NPAS3: variants seen among roughly 807,000 people sequenced by gnomAD.
NPAS3 encodes the protein neuronal PAS domain-containing protein 3.
Under a neutral mutation model 73.1 loss-of-function variants are expected in NPAS3, and 14 were observed. The ratio of observed to expected loss-of-function variants is 0.19; its 90% CI spans 0.13 to 0.30. NPAS3 has a LOEUF of 0.30. NPAS3 is among the 10% of genes least tolerant of loss of function. The probability of loss-of-function intolerance (pLI) is 1.00; values close to 1 mark genes in which losing one functional copy is unlikely to be tolerated. For synonymous variants in NPAS3, 620 were observed against 541.5 expected, an observed-to-expected ratio of 1.14 and a Z score of -2.01; for missense variants, 1,096 against 1,250.0, an observed-to-expected ratio of 0.88 and a Z score of 1.86.
intron 2 of NPAS3, among the ~76,000 whole-genome samples, chr14:33,138,161 G>A (rs1017251019): frequency 4.6e-5 from 7 of 150,986 alleles, no homozygotes; most frequent in South Asian, 2.1e-4. Context: ...CCAGTAACTC[G>A]TCATTTAACA....
intron 2 of NPAS3, among the ~76,000 whole-genome samples, chr14:33,195,563 T>C (rs148641862): frequency 6.2e-4 from 94 of 152,338 alleles, no homozygotes; most frequent in South Asian, 2.7e-3. Context: ...CCACCATGCC[T>C]GGCCAAAACA....
intron 3 of NPAS3, among the ~76,000 whole-genome samples, chr14:33,364,557 C>T (rs1594774222): frequency 6.6e-6 from 1 of 151,982 alleles, no homozygotes; most frequent in Non-Finnish European, 1.5e-5. Flanking sequence ...AAAATGCCAT[C>T]GAATAGAATA....
intron 5 of NPAS3, among the ~76,000 whole-genome samples, chr14:33,637,316 A>G (rs796626747): frequency 2.6e-5 from 4 of 152,352 alleles, no homozygotes; most frequent in African/African-American, 7.2e-5. Context: ...TTCTAATTTC[A>G]TAATAAAGAT....
chr14:32,971,936 CTTTTTTTTTTT>C (rs66998179), intron 1 of NPAS3, among the ~76,000 whole-genome samples: 4 of 112,954 alleles, frequency 3.5e-5, no homozygotes, highest in Non-Finnish European at 7.1e-5. Context: ...CAGTGGGACT[CTTTTTTTTTTT>C]TTTTTTTTTT....
Position 33,279,632 on chromosome 14 carries a change from C to T in NPAS3, c.385+64206C>T, listed in dbSNP as rs1886782. Among the ~76,000 whole-genome samples the T allele has an allele frequency of 1.1e-4, 17 of 152,050 alleles. No individual in the cohort carries two copies. The East Asian group carries it at 3.3e-3, about 29-fold the overall frequency. On this transcript the variant is annotated intron_variant, in intron 3 of 11. Coordinates refer to ENST00000356141, the Ensembl canonical transcript of NPAS3. ...ATTTAACAAGATCTTCAGGTGATTC[C>T]TATCACCTTTTCACCCTGGAATTTG... is the stretch of plus-strand genomic sequence containing the variant.
intron 4 of NPAS3, among the ~76,000 whole-genome samples, chr14:33,515,655 T>C: frequency 6.6e-6 from 1 of 152,108 alleles, no homozygotes; most frequent in African/African-American, 2.4e-5. Flanking sequence ...TGCTGATCCC[T>C]GCATTAGACA....
chr14:33,408,474 G>A (rs1220974065), intron 4 of NPAS3, among the ~76,000 whole-genome samples: 3 of 151,932 alleles, frequency 2.0e-5, no homozygotes, highest in Non-Finnish European at 4.4e-5. Context: ...CTGGGAAACA[G>A]CCAAACATCC....
At chr14:33,231,540 T>C (rs1487155803) in intron 3 of NPAS3, among the ~76,000 whole-genome samples, 1 of 152,212 alleles carries the variant, frequency 6.6e-6, no homozygotes. Context: ...TATGGTGATC[T>C]ATGATCATTC....
intron 5 of NPAS3, among the ~76,000 whole-genome samples, chr14:33,613,979 C>T (rs868385036): frequency 1.3e-5 from 2 of 152,156 alleles, no homozygotes; most frequent in African/African-American, 2.4e-5. Context: ...CACCATGTCC[C>T]CCATAATAGT....
At chr14:33,623,876 A>G (rs575357312) in intron 5 of NPAS3, among the ~76,000 whole-genome samples, 119 of 152,294 alleles carry the variant, frequency 7.8e-4, no homozygotes, top group African/African-American at 2.7e-3. Context: ...TTGATAATAA[A>G]CCTCATGTTT....
chr14:33,474,718 CAAAACTTAGT>C (rs1222269699), intron 4 of NPAS3, among the ~76,000 whole-genome samples: 1 of 151,970 alleles, frequency 6.6e-6, no homozygotes, highest in Non-Finnish European at 1.5e-5. Context: ...GTTAAACTAG[CAAAACTTAGT>C]AACGTGAGAG....
chr14:33,211,251 G>A (rs1041288706), intron 2 of NPAS3, among the ~76,000 whole-genome samples: 3 of 152,150 alleles, frequency 2.0e-5, no homozygotes, highest in East Asian at 1.9e-4. Context: ...TACCCAGGCT[G>A]GCTAGCTTCA....
chr14:33,366,174 G>A (rs902884984), intron 3 of NPAS3, among the ~76,000 whole-genome samples: 1 of 151,926 alleles, frequency 6.6e-6, no homozygotes, highest in Admixed American at 6.6e-5. Context: ...TTCTGACCAC[G>A]ACGCATCCCT....
chr14:33,638,409 C>T (rs2058585057), intron 5 of NPAS3, among the ~76,000 whole-genome samples: 1 of 152,170 alleles, frequency 6.6e-6, no homozygotes, highest in Non-Finnish European at 1.5e-5. Context: ...GAACCCAGTT[C>T]TTCTACTTAC....
At chr14:33,602,518 G>T (rs2057430798) in intron 5 of NPAS3, among the ~76,000 whole-genome samples, 1 of 152,180 alleles carries the variant, frequency 6.6e-6, no homozygotes, top group African/African-American at 2.4e-5. Context: ...TGGTGGGTGG[G>T]TCTCTCCCAG....
intron 2 of NPAS3, among the ~76,000 whole-genome samples, chr14:33,066,004 GTCC>G (rs2041265579): frequency 6.6e-6 from 1 of 152,080 alleles, no homozygotes; most frequent in South Asian, 2.1e-4. Context: ...AAAGCATCCT[GTCC>G]TGTGTGCTTG....
chr14:33,062,127 T>A (rs1242507353), intron 2 of NPAS3, among the ~76,000 whole-genome samples: 1 of 151,596 alleles, frequency 6.6e-6, no homozygotes, highest in Admixed American at 6.6e-5. Flanking sequence ...TTTTCAGGAG[T>A]GTGACAGAGA....
Position 33,649,310 on chromosome 14 carries a change from C to T in NPAS3, c.559-26901C>T, listed in dbSNP as rs181096484. Among the ~76,000 whole-genome samples, 512 of 152,320 alleles carry T rather than the reference C, an allele frequency of 3.4e-3. 2 individuals are homozygous for T. The highest frequency in any genetic ancestry group is 0.027 in the Middle Eastern group (8 of 294). Reference sequence around the variant, plus strand: ...GCCAGATGTCTTCACCTCAAAAAGACGGTTTCACCCTGCCCGTTGACAAAA... The same window carrying T: ...GCCAGATGTCTTCACCTCAAAAAGATGGTTTCACCCTGCCCGTTGACAAAA... On this transcript the variant is annotated intron_variant, in intron 5 of 11. Transcript: ENST00000356141.
chr14:33,038,462 A>G (rs1203891904), intron 1 of NPAS3, among the ~76,000 whole-genome samples: 1 of 152,208 alleles, frequency 6.6e-6, no homozygotes, highest in Non-Finnish European at 1.5e-5. Context: ...AAAGTCAGGA[A>G]AAACCAGTGT....
Sources: gnomAD v4.1 joint callset for allele counts (sites outside exome capture counted in the v4.1 genomes callset) on GRCh38, gnomAD v4.1.1 for gene constraint, MANE v1.5 for transcripts, NCBI Gene and HGNC (gene_info 2026-07-23, HGNC 2026-07-21) for gene names.